SLC27A2: variants seen among roughly 807,000 people sequenced by gnomAD.
The protein encoded by SLC27A2 is solute carrier family 27 member 2.
In SLC27A2, 54 loss-of-function variants were observed where a neutral mutation model predicts 60.0. The observed-to-expected ratio is 0.90, with a 90% CI of 0.72 to 1.13. The LOEUF (loss-of-function observed/expected upper bound fraction) is 1.13, where lower values mean the gene tolerates loss of function less well. Among genes scored for constraint, SLC27A2 ranks in the 50% most tolerant of loss-of-function variants. SLC27A2 has a pLI of 0.00. For synonymous variants in SLC27A2, 297 were observed against 297.6 expected (o/e 1.00, Z 0.02); for missense variants, 739 against 777.6 (o/e 0.95, Z 0.59).
intron 4 of SLC27A2, among the ~76,000 whole-genome samples, chr15:50,218,060 CAAAAAAAAAAAA>C (rs34661754): frequency 2.0e-4 from 13 of 63,890 alleles, no homozygotes; most frequent in South Asian, 7.5e-4. Context: ...GACTCTGTCT[CAAAAAAAAAAAA>C]AAAAAAAAAA....
At chr15:50,193,215 A>G (rs909380906) in intron 1 of SLC27A2, among the ~76,000 whole-genome samples, 4 of 152,124 alleles carry the variant, frequency 2.6e-5, no homozygotes, top group African/African-American at 7.2e-5. Flanking sequence ...TTTACAGGGC[A>G]CTTCTTCTAG....
chr15:50,207,343 A>G (rs753401883), intron 4 of SLC27A2, among the ~76,000 whole-genome samples: 15 of 152,164 alleles, frequency 9.9e-5, no homozygotes, highest in Non-Finnish European at 2.2e-4. Context: ...AAAATATACT[A>G]TGATTTAATG....
chr15:50,199,930 A>G (rs1265073524), intron 2 of SLC27A2, among the ~76,000 whole-genome samples: 1 of 152,250 alleles, frequency 6.6e-6, no homozygotes, highest in African/African-American at 2.4e-5. Flanking sequence ...TAGAAAAAAA[A>G]TAGTGCTAAG....
intron 4 of SLC27A2, among the ~76,000 whole-genome samples, chr15:50,209,419 A>G (rs1447361807): frequency 1.3e-5 from 2 of 152,108 alleles, no homozygotes; most frequent in African/African-American, 4.8e-5. Flanking sequence ...TGGGCTTTGA[A>G]GAGTACGGAG....
intron 1 of SLC27A2, among the ~76,000 whole-genome samples, chr15:50,193,336 AC>A (rs1358740921): frequency 1.3e-5 from 2 of 152,092 alleles, no homozygotes; most frequent in East Asian, 3.9e-4. Context: ...CCTCTATTAG[AC>A]CTGGGCTCTA....
chr15:50,182,264 C>A lies in SLC27A2; in HGVS notation c.-164C>A. On this transcript the variant is annotated 5_prime_UTR_variant, in exon 1 of 10. Transcript: ENST00000267842. ...GCTCCGGAGCCCGCGGCGGTACCTG[C>A]AGCGGAGGAGCTCTGTCTTCCCCTT... The A allele has an allele frequency of 8.7e-7, 1 of 1,145,374 alleles. No homozygotes were observed. The highest frequency in any genetic ancestry group is 1.1e-6 in the Non-Finnish European group (1 of 895,438). The allele number at this position is 1,145,374 out of a possible 1,614,324, so 71.0% of individuals were successfully genotyped here. A position where few individuals can be genotyped will look rare whatever the true frequency, so the allele number is the denominator to read the frequency against.
At chr15:50,210,620 C>T (rs78595894) in intron 4 of SLC27A2, among the ~76,000 whole-genome samples, 4,579 of 152,236 alleles carry the variant, frequency 0.03, 235 homozygotes, top group African/African-American at 0.11. Context: ...ATAATTTGAA[C>T]GGGGCAAGAA....
chr15:50,221,543 G>A (rs2140910724), intron 4 of SLC27A2, among the ~76,000 whole-genome samples: 1 of 152,342 alleles, frequency 6.6e-6, no homozygotes, highest in African/African-American at 2.4e-5. Flanking sequence ...CCTTGGTGTG[G>A]TTTTTAATTG....
intron 4 of SLC27A2, among the ~76,000 whole-genome samples, chr15:50,215,972 T>A (rs1308245614): frequency 1.3e-5 from 2 of 152,194 alleles, no homozygotes; most frequent in Non-Finnish European, 2.9e-5. Flanking sequence ...AGGACCTAAT[T>A]AAACTAAAGA....
Position 50,195,311 on chromosome 15 carries a change from GAA to G in SLC27A2, c.479-2174_479-2173del, listed in dbSNP as rs745744454. ...GAAACCCCGTCTCTACTAAAAATATGAAAAAAAAAAAAAAAACAAAAACAAAC... is the reference window on the plus strand; with the variant it reads ...GAAACCCCGTCTCTACTAAAAATATGAAAAAAAAAAAAAACAAAAACAAAC... On this transcript the variant is annotated intron_variant, in intron 1 of 9. Transcript: ENST00000267842. Among the ~76,000 whole-genome samples the G allele has an allele frequency of 8.8e-3, 975 of 111,000 alleles. 21 individuals carry two copies. Among genetic ancestry groups the G allele is most frequent in the African/African-American group, 0.03 (922 of 30,814 alleles). 72.8% of individuals were successfully genotyped at this position (111,000 alleles called of 152,430 possible).
chr15:50,210,140 C>T (rs1166520191), intron 4 of SLC27A2, among the ~76,000 whole-genome samples: 2 of 152,106 alleles, frequency 1.3e-5, no homozygotes, highest in Non-Finnish European at 2.9e-5. Flanking sequence ...AGGATCATGG[C>T]GAGCGGGAGG....
intron 4 of SLC27A2, chr15:50,221,961 TC>T (rs1379055699): frequency 6.6e-6 from 1 of 152,228 alleles, no homozygotes; most frequent in Non-Finnish European, 1.5e-5. Context: ...TTCTACTCTT[TC>T]CCCTCTTCTC....
chr15:50,212,440 A>G (rs1264286476), intron 4 of SLC27A2, among the ~76,000 whole-genome samples: 2 of 152,388 alleles, frequency 1.3e-5, no homozygotes, highest in African/African-American at 4.8e-5. Flanking sequence ...AAGCACAAAG[A>G]ACACCTGGGA....
chr15:50,186,460 A>G (rs1316700682), intron 1 of SLC27A2, among the ~76,000 whole-genome samples: 3 of 149,294 alleles, frequency 2.0e-5, no homozygotes, highest in Non-Finnish European at 4.5e-5. Flanking sequence ...TGTTTTTGAG[A>G]CAGTCTCGCT....
At chr15:50,225,677 G>C (rs2045273100) in intron 5 of SLC27A2, among the ~76,000 whole-genome samples, 1 of 152,210 alleles carries the variant, frequency 6.6e-6, no homozygotes, top group Admixed American at 6.5e-5. Flanking sequence ...ATGGATGGAT[G>C]AATATTATAG....
chr15:50,182,943 T>C (rs1470155439), intron 1 of SLC27A2, 38 bp downstream of exon 1: 3 of 1,554,186 alleles, frequency 1.9e-6, no homozygotes, highest in Admixed American at 1.8e-5. Flanking sequence ...GCACCAGGGC[T>C]TCTCGGCGCC....
intron 5 of SLC27A2, among the ~76,000 whole-genome samples, chr15:50,224,122 A>G (rs1177744187): frequency 3.3e-5 from 5 of 152,172 alleles, no homozygotes; most frequent in Admixed American, 6.5e-5. Flanking sequence ...CCTAGCCCAC[A>G]CTCGATAAGG....
Position 50,195,571 on chromosome 15 carries a change from G to C in SLC27A2, c.479-1929G>C, listed in dbSNP as rs1241402795. 2.6e-5 allele frequency among the ~76,000 whole-genome samples: 4 copies of C among 152,140 alleles called. No individual in the cohort carries two copies. In the East Asian group the frequency reaches 7.7e-4, roughly 29 times the overall value. ...CTTTAGTTGTGAGGAAGGCCTGGGT[G>C]AGGACTTGTTTATTTTCATTGTAAA... is the stretch of plus-strand genomic sequence containing the variant. On this transcript the variant is annotated intron_variant, in intron 1 of 9. Transcript: ENST00000267842.
At chr15:50,205,647 G>A (rs2045106495) in intron 4 of SLC27A2, among the ~76,000 whole-genome samples, 1 of 151,876 alleles carries the variant, frequency 6.6e-6, no homozygotes, top group South Asian at 2.1e-4. Flanking sequence ...CTTACTAAAA[G>A]CCAGTGTCAA....
Sources: allele counts gnomAD v4.1 joint callset (sites outside exome capture counted in the v4.1 genomes callset), GRCh38; gene constraint gnomAD v4.1.1; transcripts MANE v1.5; gene names NCBI Gene and HGNC (gene_info 2026-07-23, HGNC 2026-07-21).